The following USP54 variants were observed in gnomAD, a reference collection of about 807,000 sequenced individuals.
The protein encoded by USP54 is ubiquitin carboxyl-terminal hydrolase 54.
Under a neutral mutation model 170.5 loss-of-function variants are expected in USP54, and 87 were observed. The ratio of observed to expected loss-of-function variants is 0.51; its 90% CI spans 0.43 to 0.61. The LOEUF is 0.61. Among genes scored for constraint, USP54 ranks in the 20% least tolerant of loss-of-function variants. The pLI, the probability that USP54 is intolerant of heterozygous loss-of-function variation, is 0.00. For synonymous variants in USP54, 655 were observed against 742.8 expected (o/e 0.88, Z 1.92); for missense variants, 1,786 against 2,047.8 (o/e 0.87, Z 2.47).
At chr10:73,502,126 A>G (rs2058258334) in intron 22 of USP54, among the ~76,000 whole-genome samples, 1 of 152,198 alleles carries the variant, frequency 6.6e-6, no homozygotes, top group Non-Finnish European at 1.5e-5. Context: ...AAATAAAATA[A>G]TCTATATGCC....
At chr10:73,530,558 T>A in intron 13 of USP54, 35 bp from the exon 14 acceptor site, 1 of 1,582,642 alleles carries the variant, frequency 6.3e-7, no homozygotes, top group Non-Finnish European at 8.6e-7. Context: ...ATATAGATGT[T>A]TAAAGTGATC....
intron 10 of USP54, among the ~76,000 whole-genome samples, chr10:73,538,770 C>A (rs545868174): frequency 6.6e-6 from 1 of 152,196 alleles, no homozygotes; most frequent in Non-Finnish European, 1.5e-5. Context: ...CATTATCACG[C>A]CCCTGCACTC....
intron 4 of USP54, among the ~76,000 whole-genome samples, chr10:73,567,070 G>C (rs1383226527): frequency 6.6e-6 from 1 of 151,668 alleles, no homozygotes; most frequent in East Asian, 2.0e-4. Context: ...GTAGAGATAG[G>C]GTTTCGCCAT....
intron 15 of USP54, among the ~76,000 whole-genome samples, chr10:73,528,488 C>A (rs1430663645): frequency 6.6e-6 from 1 of 151,862 alleles, no homozygotes; most frequent in Non-Finnish European, 1.5e-5. Context: ...GAACTTCTGA[C>A]GTCGTGATCC....
In USP54 at chr10:73,557,065, G is replaced by A. The variant is rs560662551; in HGVS notation, c.241-11393C>T. Among the ~76,000 whole-genome samples the A allele has an allele frequency of 2.0e-5, 3 of 152,230 alleles. No homozygotes were observed. The South Asian group carries it at 6.2e-4, about 32-fold the overall frequency. ...AAAGCCTCTAGTACAATCCCTGGAA[G>A]AACAAAATCTTTGTGGCACACTAAA... On this transcript the variant is annotated intron_variant, in intron 4 of 23. Transcript: ENST00000687698.
At position 73,500,658 on chromosome 10, in the gene USP54, G is replaced by C. The variant is rs2057920886; in HGVS notation, c.4492C>G (p.Pro1498Ala). The C allele has an allele frequency of 6.3e-7, 1 of 1,590,616 alleles. No homozygotes were observed. Among genetic ancestry groups the C allele is most frequent in the Admixed American group, 1.8e-5 (1 of 54,336 alleles). The change falls in exon 23 of 24, where the codon CCA becomes GCA. Residue 1498 changes from proline to alanine, a missense_variant. Coordinates refer to ENST00000687698, the MANE Select transcript of USP54 (RefSeq NM_001391956.1). ...ATATTAGATTTGGGGGAGTTACCTGGGAGTCTATTGGGCTCCCCTGCCATG... is the reference window on the plus strand; with the variant it reads ...ATATTAGATTTGGGGGAGTTACCTGCGAGTCTATTGGGCTCCCCTGCCATG... ...PTMAGEPNRL[P>A]GTSRSVQQFL...
At chr10:73,592,209 A>G (rs549019372), upstream of USP54, among the ~76,000 whole-genome samples, 1 of 152,284 alleles carries the variant, frequency 6.6e-6, no homozygotes, top group East Asian at 1.9e-4. Flanking sequence ...CTGAGGTTAT[A>G]AAACAGTTTT....
chr10:73,498,563 C>T lies in USP54; in HGVS notation c.*66G>A, dbSNP rs2990138. ...TGCTGGGATTACAGGTGTGAGCCAC[C>T]GCGCCCGGCCCACAGTACAGTTTTA... On this transcript the variant is annotated 3_prime_UTR_variant, in exon 24 of 24. Coordinates refer to ENST00000687698, the MANE Select transcript of USP54 (RefSeq NM_001391956.1). 28 of 1,460,296 alleles carry T rather than the reference C, an allele frequency of 1.9e-5. No homozygotes were observed. The East Asian group carries it at 2.1e-4, about 11-fold the overall frequency. The allele number at this position is 1,460,296 out of a possible 1,614,324, so 90.5% of individuals were successfully genotyped here. A position where few individuals can be genotyped will look rare whatever the true frequency, so the allele number is the denominator to read the frequency against.
chr10:73,581,711 G>T (rs1026201075), intron 1 of USP54, among the ~76,000 whole-genome samples: 1 of 152,022 alleles, frequency 6.6e-6, no homozygotes, highest in Non-Finnish European at 1.5e-5. Flanking sequence ...TAATAAATTT[G>T]TATTTTATTA....
At chr10:73,499,215 CTG>C (rs1564589447) in intron 23 of USP54, 27 bp from the exon 24 acceptor site, 2 of 1,558,182 alleles carry the variant, frequency 1.3e-6, no homozygotes, top group Admixed American at 4.0e-5. Flanking sequence ...AACCCAAAGA[CTG>C]AGCATCTTCA....
chr10:73,549,271 T>G (rs2068660594), intron 4 of USP54, among the ~76,000 whole-genome samples: 1 of 152,162 alleles, frequency 6.6e-6, no homozygotes, highest in African/African-American at 2.4e-5. Flanking sequence ...ACACATACAT[T>G]GACAATTCCC....
intron 3 of USP54, among the ~76,000 whole-genome samples, chr10:73,573,284 T>G (rs570851615): frequency 1.3e-5 from 2 of 151,910 alleles, no homozygotes; most frequent in South Asian, 4.2e-4. Context: ...GAGTGAGACC[T>G]CTGGCTCCAA....
intron 4 of USP54, among the ~76,000 whole-genome samples, chr10:73,570,915 A>G (rs1362379048): frequency 6.6e-6 from 1 of 152,126 alleles, no homozygotes; most frequent in African/African-American, 2.4e-5. Context: ...AGGCAGGCAG[A>G]TCACCTGAAG....
At chr10:73,587,553 T>G (rs1269407337) in intron 1 of USP54, among the ~76,000 whole-genome samples, 1 of 152,116 alleles carries the variant, frequency 6.6e-6, no homozygotes, top group African/African-American at 2.4e-5. Flanking sequence ...TTAGTGGAGA[T>G]CCAAAGGGTC....
intron 1 of USP54, among the ~76,000 whole-genome samples, chr10:73,578,671 T>G (rs1292198312): frequency 6.6e-6 from 1 of 152,182 alleles, no homozygotes; most frequent in Non-Finnish European, 1.5e-5. Context: ...TCCCAAATGC[T>G]GGGATTACAG....
chr10:73,592,251 T>A (rs528381035), upstream of USP54, among the ~76,000 whole-genome samples: 37 of 152,112 alleles, frequency 2.4e-4, no homozygotes, highest in Admixed American at 2.0e-4. Context: ...AGCATACTGA[T>A]GAAAAAAACT....
chr10:73,598,552 G>T (rs905603269), intron 1 of USP54, among the ~76,000 whole-genome samples: 1 of 152,134 alleles, frequency 6.6e-6, no homozygotes, highest in Admixed American at 6.6e-5. Flanking sequence ...CGAGAAGGCC[G>T]ATCACAACAA....
At chr10:73,509,326 G>T (rs2059819983) in intron 20 of USP54, among the ~76,000 whole-genome samples, 1 of 151,618 alleles carries the variant, frequency 6.6e-6, no homozygotes, top group African/African-American at 2.4e-5. Flanking sequence ...ATCTGGCCAG[G>T]TGCAGTGGCT....
At chr10:73,554,028 G>A (rs1366816183) in intron 4 of USP54, among the ~76,000 whole-genome samples, 2 of 152,164 alleles carry the variant, frequency 1.3e-5, no homozygotes, top group East Asian at 3.9e-4. Context: ...TTTATGCTTC[G>A]ACATCTACAA....
Sources: gnomAD v4.1 joint callset for allele counts (sites outside exome capture counted in the v4.1 genomes callset) on GRCh38, gnomAD v4.1.1 for gene constraint, MANE v1.5 for transcripts, NCBI Gene and HGNC (gene_info 2026-07-23, HGNC 2026-07-21) for gene names.